Variants in LRRC53 observed in about 807,000 individuals in gnomAD.
LRRC53 encodes leucine-rich repeat-containing protein 53.
In LRRC53, 25 loss-of-function variants were observed where a neutral mutation model predicts 13.6. The observed-to-expected ratio is 1.83, with a 90% CI of 1.34 to 2.56. The LOEUF is 2.56. Ranked by LOEUF, LRRC53 falls within the 30% of genes most tolerant of loss-of-function variation. LRRC53 has a pLI of 0.00. For missense variants in LRRC53, 527 were observed against 275.8 expected (o/e 1.91, Z -6.45); for synonymous variants, 204 against 109.8 (o/e 1.86, Z -5.37).
chr1:74,514,772 G>A (rs1230424909), upstream of LRRC53, among the ~76,000 whole-genome samples: 3 of 152,034 alleles, frequency 2.0e-5, no homozygotes, highest in Admixed American at 2.0e-4. Flanking sequence ...AAATGTGAAG[G>A]GGTATTGTGG....
Position 74,471,569 on chromosome 1 carries a change from T to C in LRRC53, c.2053A>G (p.Arg685Gly). 2.5e-6 allele frequency: 1 copy of C among 400,724 alleles called. No individual in the cohort carries two copies. The allele number at this position is 400,724 out of a possible 1,614,324, so 24.8% of individuals were successfully genotyped here. A position where few individuals can be genotyped will look rare whatever the true frequency, so the allele number is the denominator to read the frequency against. ...DVKKFSNTGE[R>G]NKGEKWFTNS... Reference sequence around the variant, plus strand: ...GTAAACCATTTTTCTCCTTTGTTTCTCTCCCCAGTGTTGCTAAATTTTTTA... The same window carrying C: ...GTAAACCATTTTTCTCCTTTGTTTCCCTCCCCAGTGTTGCTAAATTTTTTA... Residue 685 changes from arginine to glycine, a missense_variant, in exon 5 of 5, where the codon AGA (arginine) becomes GGA (glycine). Coordinates refer to ENST00000294635, the MANE Select transcript of LRRC53 (RefSeq NM_001382280.1).
At chr1:74,510,233 G>A (rs1477694793) in intron 1 of LRRC53, among the ~76,000 whole-genome samples, 1 of 152,174 alleles carries the variant, frequency 6.6e-6, no homozygotes, top group Non-Finnish European at 1.5e-5. Context: ...GAGGCCAGGT[G>A]CAGTGGCTCA....
At position 74,472,170 on chromosome 1, in the gene LRRC53, A is replaced by T. The variant is rs756845865; in HGVS notation, c.1452T>A (p.Tyr484Ter). ...CTGCCAAGGCTGAAGCGGGTGTTGC[A>T]TATCTTCTTCTAAATATGTCACTGC... is the stretch of plus-strand genomic sequence containing the variant. The part of the protein sequence containing the change: ...DISSDIFRRR[Y>*]ATPASALAGE... Residue 484 changes from tyrosine (Y) to a stop codon, truncating the protein, a stop_gained, in exon 5 of 5, where the codon TAT becomes TAA. Transcript: ENST00000294635. LOFTEE classifies it low-confidence loss of function (END_TRUNC). 1 of 716,908 alleles carries T rather than the reference A, an allele frequency of 1.4e-6. No individual in the cohort carries two copies. Among genetic ancestry groups the T allele is most frequent in the African/African-American group, 1.7e-5 (1 of 57,220 alleles). 44.4% of individuals were successfully genotyped at this position (716,908 alleles called of 1,614,324 possible). A position where few individuals can be genotyped will look rare whatever the true frequency, so the allele number is the denominator to read the frequency against.
intron 3 of LRRC53, among the ~76,000 whole-genome samples, chr1:74,477,859 C>A (rs3737566): frequency 6.6e-6 from 1 of 152,078 alleles, no homozygotes; most frequent in East Asian, 1.9e-4. Flanking sequence ...TAACAATCTA[C>A]CTGTGTTGGC....
chr1:74,472,160 C>G lies in LRRC53; in HGVS notation c.1462G>C (p.Ala488Pro). 1.4e-6 allele frequency: 1 copy of G among 716,978 alleles called. No individual in the cohort carries two copies. The highest frequency in any genetic ancestry group is 2.7e-5 in the East Asian group (1 of 37,278). The allele number at this position is 716,978 out of a possible 1,614,324, so 44.4% of individuals were successfully genotyped here. A position where few individuals can be genotyped will look rare whatever the true frequency, so the allele number is the denominator to read the frequency against. Residue 488 changes from alanine (A) to proline (P), a missense_variant, in exon 5 of 5, where the codon GCT (alanine) becomes CCT (proline). By Grantham distance (27) the Ala-to-Pro change is conservative (BLOSUM62 -1). Transcript: ENST00000294635. Reference sequence around the variant, plus strand: ...AGACTTTCTCCTGCCAAGGCTGAAGCGGGTGTTGCATATCTTCTTCTAAAT... The same window carrying G: ...AGACTTTCTCCTGCCAAGGCTGAAGGGGGTGTTGCATATCTTCTTCTAAAT... ...DIFRRRYATP[A>P]SALAGESLEK...
chr1:74,527,609 G>A, the LRRC53 span, among the ~76,000 whole-genome samples: 1 of 152,208 alleles, frequency 6.6e-6, no homozygotes, highest in African/African-American at 2.4e-5. Context: ...CCAGAAGGAG[G>A]TAGAGGCCAG....
intron 1 of LRRC53, among the ~76,000 whole-genome samples, chr1:74,501,481 T>C (rs1014899163): frequency 8.0e-6 from 1 of 124,296 alleles, no homozygotes. Context: ...TTTGTGTTTG[T>C]TTGTTTGTTT....
chr1:74,519,671 A>G, the LRRC53 span, among the ~76,000 whole-genome samples: 2 of 152,244 alleles, frequency 1.3e-5, no homozygotes, highest in East Asian at 3.8e-4. Flanking sequence ...TATAAAGTAA[A>G]TAGTCTTACA....
chr1:74,507,557 T>TTGAA (rs749642270), intron 1 of LRRC53, among the ~76,000 whole-genome samples: 2 of 152,176 alleles, frequency 1.3e-5, no homozygotes, highest in Non-Finnish European at 1.5e-5. Context: ...TATATGTGTA[T>TTGAA]TGAATGAATG....
At chr1:74,500,590 C>A (rs921640935) in intron 1 of LRRC53, among the ~76,000 whole-genome samples, 1 of 103,198 alleles carries the variant, frequency 9.7e-6, no homozygotes, top group African/African-American at 3.5e-5. Flanking sequence ...GGCGACAGAG[C>A]GAGACTCCGT....
At chr1:74,490,658 C>A (rs112467118) in intron 1 of LRRC53, among the ~76,000 whole-genome samples, 9 of 152,152 alleles carry the variant, frequency 5.9e-5, no homozygotes, top group Non-Finnish European at 8.8e-5. Flanking sequence ...GCTTGACTTG[C>A]GCAGTTTCAT....
rs45483108 is a variant in LRRC53 at position 74,474,771 on chromosome 1, C to A, written c.1420+524G>T. Among the ~76,000 whole-genome samples the A allele has an allele frequency of 2.7e-3, 418 of 152,214 alleles. 2 individuals carry two copies. The highest frequency in any genetic ancestry group is 9.7e-3 in the African/African-American group (401 of 41,538). On this transcript the variant is annotated intron_variant, in intron 4 of 4. Coordinates refer to ENST00000294635, the MANE Select transcript of LRRC53 (RefSeq NM_001382280.1). Reference sequence around the variant, plus strand: ...TGTGGGACAATGAATTAAGTCCTGACTTTCCCTGGACTGGGAAGTTATCAT... The same window carrying A: ...TGTGGGACAATGAATTAAGTCCTGAATTTCCCTGGACTGGGAAGTTATCAT...
chr1:74,527,150 A>C, the LRRC53 span, among the ~76,000 whole-genome samples: 1 of 152,208 alleles, frequency 6.6e-6, no homozygotes, highest in African/African-American at 2.4e-5. Context: ...CCTTCAGGTC[A>C]CTGTAAACAG....
chr1:74,472,322 A>C (rs1291933635), intron 4 of LRRC53, 121 bp from the exon 5 acceptor site: 2 of 596,574 alleles, frequency 3.4e-6, no homozygotes, highest in African/African-American at 3.7e-5. Context: ...GCAGTTCTTC[A>C]CTATTTCCTA....
chr1:74,528,870 A>G, the LRRC53 span, among the ~76,000 whole-genome samples: 1 of 152,206 alleles, frequency 6.6e-6, no homozygotes, highest in African/African-American at 2.4e-5. Flanking sequence ...ACTTGAAGAA[A>G]TGACAGACTT....
chr1:74,500,415 A>C (rs1451484283), intron 1 of LRRC53, among the ~76,000 whole-genome samples: 1 of 151,562 alleles, frequency 6.6e-6, no homozygotes, highest in Non-Finnish European at 1.5e-5. Context: ...TCCCGGCTAA[A>C]AAACGGTGAA....
intron 1 of LRRC53, among the ~76,000 whole-genome samples, chr1:74,483,621 A>G (rs956510600): frequency 3.3e-5 from 5 of 152,212 alleles, no homozygotes; most frequent in African/African-American, 1.2e-4. Context: ...GTATTTTGAA[A>G]AAATTAAGTT....
chr1:74,492,054 G>A, intron 1 of LRRC53: 1 of 1,451,260 alleles, frequency 6.9e-7, no homozygotes. Flanking sequence ...CTTCACACCT[G>A]TTGGAAGTAT....
chr1:74,491,849 G>A (rs1378137302), intron 1 of LRRC53, among the ~76,000 whole-genome samples: 1 of 152,132 alleles, frequency 6.6e-6, no homozygotes, highest in Non-Finnish European at 1.5e-5. Context: ...GGCCTACTGT[G>A]TTTTTAGAAA....
Sources: allele counts gnomAD v4.1 joint callset (sites outside exome capture counted in the v4.1 genomes callset), GRCh38; gene constraint gnomAD v4.1.1; transcripts MANE v1.5; gene names NCBI Gene and HGNC (gene_info 2026-07-23, HGNC 2026-07-21).